ETFA: variants seen among roughly 807,000 people sequenced by gnomAD.
ETFA encodes electron transfer flavoprotein subunit alpha.
In ETFA, 22 loss-of-function variants were observed where a neutral mutation model predicts 46.2. The observed-to-expected ratio is 0.48, with a 90% CI of 0.34 to 0.68. The LOEUF (loss-of-function observed/expected upper bound fraction) is 0.68. Among genes scored for constraint, ETFA ranks in the 30% least tolerant of loss-of-function variants. The pLI is 0.01. For missense variants in ETFA, 345 were observed against 401.1 expected, an observed-to-expected ratio of 0.86 and a Z score of 1.19; for synonymous variants, 131 against 139.9, an observed-to-expected ratio of 0.94 and a Z score of 0.45.
chr15:76,246,743 G>C (rs1366182079), intron 9 of ETFA, among the ~76,000 whole-genome samples: 1 of 151,780 alleles, frequency 6.6e-6, no homozygotes, highest in Non-Finnish European at 1.5e-5. Context: ...TGAGGCAGGA[G>C]AATGGCATGA....
chr15:76,271,218 C>A (rs1043518414), intron 9 of ETFA, among the ~76,000 whole-genome samples: 1 of 148,100 alleles, frequency 6.8e-6, no homozygotes, highest in Admixed American at 6.7e-5. Context: ...ATATTTACAT[C>A]ATTTCAAAGT....
intron 1 of ETFA, among the ~76,000 whole-genome samples, chr15:76,296,611 T>C (rs1340933323): frequency 2.6e-5 from 4 of 152,196 alleles, no homozygotes; most frequent in African/African-American, 7.2e-5. Flanking sequence ...TAAACAGCAG[T>C]TTTGCCAGGT....
rs1441796075 is a variant in ETFA, at chr15:76,274,453, T to C, written c.775A>G (p.Asn259Asp). ...CCCGTCTGTCCAACTTGCATGTCAT[T>C]GGGAACAAAGCCAGCATCAACAGCA... Reference protein sequence around the residue: ...RAAVDAGFVPNDMQVGQTGKI... With the variant: ...RAAVDAGFVPDDMQVGQTGKI... Residue 259 changes from asparagine (N) to aspartate (D), a missense_variant, in exon 9 of 12, where the codon AAT (asparagine) becomes GAT (aspartate). Coordinates refer to ENST00000557943, the MANE Select transcript of ETFA (RefSeq NM_000126.4). The C allele has an allele frequency of 2.5e-6, 4 of 1,612,844 alleles. No homozygotes were observed. The highest frequency in any genetic ancestry group is 2.5e-6 in the Non-Finnish European group (3 of 1,179,344).
intron 9 of ETFA, among the ~76,000 whole-genome samples, chr15:76,269,679 C>T (rs1050629496): frequency 6.6e-5 from 10 of 152,098 alleles, no homozygotes; most frequent in Admixed American, 6.5e-4. Context: ...ATCACCCCAA[C>T]AAAAAGCTAT....
rs182108205 is a variant in ETFA at position 76,255,284 on chromosome 15, A to G, written c.816+19128T>C. Among the ~76,000 whole-genome samples, 6 of 152,368 alleles carry G rather than the reference A, an allele frequency of 3.9e-5. No homozygotes were observed. The East Asian group carries it at 1.2e-3, about 29-fold the overall frequency. ...GGAAGTGATGACTATTTTCAAAACA[A>G]ACATTCAGAGTTGAGAGAAAACTAA... On this transcript the variant is annotated intron_variant, in intron 9 of 11. Transcript: ENST00000557943.
intron 4 of ETFA, among the ~76,000 whole-genome samples, chr15:76,288,358 T>C (rs904437296): frequency 2.0e-5 from 3 of 152,126 alleles, no homozygotes; most frequent in African/African-American, 7.2e-5. Context: ...ACTTAATGTA[T>C]ATAAAAGAAA....
chr15:76,287,370 G>A (rs1035617241), intron 5 of ETFA, among the ~76,000 whole-genome samples: 1 of 151,784 alleles, frequency 6.6e-6, no homozygotes, highest in Non-Finnish European at 1.5e-5. Flanking sequence ...GTCTTATTAT[G>A]TTGCCCAGGA....
chr15:76,309,570 C>T (rs1482350754), intron 1 of ETFA, among the ~76,000 whole-genome samples: 2 of 152,214 alleles, frequency 1.3e-5, no homozygotes, highest in African/African-American at 4.8e-5. Flanking sequence ...GAAGTAATGT[C>T]TATACACATT....
chr15:76,295,677 C>T lies in ETFA; in HGVS notation c.100G>A (p.Ala34Thr), dbSNP rs1282580037. The T allele has an allele frequency of 1.2e-6, 2 of 1,612,764 alleles. No homozygotes were observed. Among genetic ancestry groups the T allele is most frequent in the Admixed American group, 3.3e-5 (2 of 59,880 alleles). ...VIAEHANDSL[A>T]PITLNTITAA... ...GTAATGGTATTTAAAGTAATGGGTGCTAGGGAATCATTTGCATGCTCAGCT... is the reference window on the plus strand; with the variant it reads ...GTAATGGTATTTAAAGTAATGGGTGTTAGGGAATCATTTGCATGCTCAGCT... The change falls in exon 2 of 12, where the codon GCA becomes ACA. Residue 34 changes from alanine (A) to threonine (T), a missense_variant. Ala to Thr is a moderately conservative substitution (Grantham distance 58, BLOSUM62 0). Coordinates refer to ENST00000557943, the MANE Select transcript of ETFA (RefSeq NM_000126.4).
At chr15:76,277,313 T>A (rs1210445939) in intron 8 of ETFA, among the ~76,000 whole-genome samples, 2 of 152,120 alleles carry the variant, frequency 1.3e-5, no homozygotes, top group Non-Finnish European at 1.5e-5. Flanking sequence ...CTGAAGGAGA[T>A]CAGACCTTGT....
intron 8 of ETFA, among the ~76,000 whole-genome samples, chr15:76,277,649 C>T (rs1039385204): frequency 2.3e-4 from 35 of 152,150 alleles, no homozygotes; most frequent in African/African-American, 6.3e-4. Flanking sequence ...ACTACAGGTG[C>T]GTGCTGCCAC....
intron 11 of ETFA, among the ~76,000 whole-genome samples, chr15:76,222,989 C>G (rs1189000720): frequency 6.6e-6 from 1 of 151,888 alleles, no homozygotes; most frequent in Admixed American, 6.6e-5. Context: ...CACACGTCAC[C>G]AGACCCAGCT....
At chr15:76,232,001 T>C (rs925125462) in intron 9 of ETFA, among the ~76,000 whole-genome samples, 10 of 149,442 alleles carry the variant, frequency 6.7e-5, no homozygotes, top group Non-Finnish European at 1.2e-4. Context: ...CACGTACACA[T>C]ACACACACAC....
intron 8 of ETFA, among the ~76,000 whole-genome samples, chr15:76,281,627 A>G (rs1259750108): frequency 1.3e-5 from 2 of 152,074 alleles, no homozygotes; most frequent in Non-Finnish European, 2.9e-5. Flanking sequence ...GGGTTTCCCC[A>G]TGTTGGCCAG....
chr15:76,290,579 G>A (rs2039751458), intron 4 of ETFA, among the ~76,000 whole-genome samples: 1 of 151,584 alleles, frequency 6.6e-6, no homozygotes, highest in Admixed American at 6.6e-5. Context: ...TACAACTCCT[G>A]GGCTCAGACA....
chr15:76,292,811 T>TA, intron 2 of ETFA, 111 bp from the exon 3 acceptor site: 1 of 822,266 alleles, frequency 1.2e-6, no homozygotes, highest in Non-Finnish European at 2.1e-6. Flanking sequence ...CTGTAAAAAT[T>TA]ATTCTTATTA....
Position 76,247,062 on chromosome 15 carries a change from G to A in ETFA, c.817-15664C>T, listed in dbSNP as rs77963592. Among the ~76,000 whole-genome samples, 608 of 152,266 alleles carry A rather than the reference G, an allele frequency of 4.0e-3. 4 individuals carry two copies. Among genetic ancestry groups the A allele is most frequent in the African/African-American group, 0.014 (588 of 41,560 alleles). On this transcript the variant is annotated intron_variant, in intron 9 of 11. Transcript: ENST00000557943. The stretch of plus-strand genomic sequence containing the variant: ...AGAAATAAAATCATGGTCACAGATA[G>A]AAGATCAAATGTTGCAAAGATTTTG...
intron 7 of ETFA, 47 bp downstream of exon 7, chr15:76,285,590 T>A: frequency 9.7e-7 from 1 of 1,027,532 alleles, no homozygotes; most frequent in Non-Finnish European, 1.5e-6. Flanking sequence ...AAAAAAAAAA[T>A]CAAAGTATTT....
Position 76,283,934 on chromosome 15 carries a change from A to G in ETFA, c.665-109T>C. On this transcript the variant is annotated intron_variant, in intron 7 of 11. Coordinates refer to ENST00000557943, the MANE Select transcript of ETFA (RefSeq NM_000126.4). ...AATTTTCATATTATGTAACTGCCAT[A>G]TTAAGCATGTCACCTCCTCTATAAA... 5.4e-6 allele frequency: 4 copies of G among 746,488 alleles called. No individual in the cohort carries two copies. In the East Asian group the frequency reaches 1.1e-4, roughly 21 times the overall value. The allele number at this position is 746,488 out of a possible 1,614,324, so 46.2% of individuals were successfully genotyped here. A position where few individuals can be genotyped will look rare whatever the true frequency, so the allele number is the denominator to read the frequency against.
Sources: gnomAD v4.1 joint callset for allele counts (sites outside exome capture counted in the v4.1 genomes callset) on GRCh38, gnomAD v4.1.1 for gene constraint, MANE v1.5 for transcripts, NCBI Gene and HGNC (gene_info 2026-07-23, HGNC 2026-07-21) for gene names.